Variants in NTRK1 observed in about 807,000 individuals in gnomAD.
The protein encoded by NTRK1 is high affinity nerve growth factor receptor.
In NTRK1, 62 loss-of-function variants were observed where a neutral mutation model predicts 86.8. The ratio of observed to expected loss-of-function variants is 0.71; its 90% CI spans 0.58 to 0.88. The LOEUF is 0.88. Ranked by LOEUF, NTRK1 falls within the 40% of genes least tolerant of loss-of-function variation. The probability of loss-of-function intolerance (pLI) is 0.00; values close to 1 mark genes in which losing one functional copy is unlikely to be tolerated. For missense variants in NTRK1, 967 were observed against 1,078.4 expected (o/e 0.90, Z 1.45); for synonymous variants, 469 against 456.6 (o/e 1.03, Z -0.35).
At chr1:156,829,916 G>T (rs1435657821) in intron 1 of NTRK1, among the ~76,000 whole-genome samples, 1 of 152,208 alleles carries the variant, frequency 6.6e-6, no homozygotes, top group East Asian at 1.9e-4. Flanking sequence ...GCCTCCCAAA[G>T]TGCTGGGATT....
chr1:156,858,667 A>G, upstream of NTRK1: 1 of 1,534,702 alleles, frequency 6.5e-7, no homozygotes, highest in Non-Finnish European at 9.0e-7. Flanking sequence ...CCTCCCGGTG[A>G]CTCTGGGGAG....
At chr1:156,866,875 A>G in intron 3 of NTRK1, 35 bp from the exon 4 acceptor site, 2 of 1,610,706 alleles carry the variant, frequency 1.2e-6, no homozygotes, top group Non-Finnish European at 1.7e-6. Context: ...CGGGTCACTC[A>G]AGGGGTCTGT....
At chr1:156,824,793 T>C (rs920276430) in intron 1 of NTRK1, among the ~76,000 whole-genome samples, 1 of 152,206 alleles carries the variant, frequency 6.6e-6, no homozygotes, top group African/African-American at 2.4e-5. Flanking sequence ...GACTCCATCC[T>C]TTATCCACCA....
intron 1 of NTRK1, among the ~76,000 whole-genome samples, chr1:156,829,612 G>A (rs890336078): frequency 2.0e-5 from 3 of 152,114 alleles, no homozygotes; most frequent in African/African-American, 7.2e-5. Flanking sequence ...GACTGCTCGC[G>A]CTCAAGTATC....
intron 2 of NTRK1, chr1:156,845,338 C>G (rs753424403): frequency 1.2e-6 from 2 of 1,608,054 alleles, no homozygotes; most frequent in Non-Finnish European, 1.7e-6. Flanking sequence ...CCCCCAAAGC[C>G]ACGCCCCTCA....
rs2102870134 is a variant in NTRK1, at chr1:156,854,116, C to T, written c.51-10238C>T. Reference sequence around the variant, plus strand: ...TGGGGAAGAGGTCGCGCAGGCTCTCCAGTCCGTAGACACGGAAGAGCAGCA... The same window carrying T: ...TGGGGAAGAGGTCGCGCAGGCTCTCTAGTCCGTAGACACGGAAGAGCAGCA... On this transcript the variant is annotated intron_variant, in intron 2 of 16. Coordinates refer to the NTRK1 transcript ENST00000392302. The surrounding 1 kb of genome is among the most constrained non-coding windows in gnomAD (Gnocchi z 4.2). The T allele has an allele frequency of 1.2e-6, 2 of 1,614,144 alleles. No homozygotes were observed. Among genetic ancestry groups the T allele is most frequent in the Non-Finnish European group, 1.7e-6 (2 of 1,180,048 alleles).
At chr1:156,843,725 A>G (rs1439804703) in intron 2 of NTRK1, among the ~76,000 whole-genome samples, 1 of 152,246 alleles carries the variant, frequency 6.6e-6, no homozygotes, top group Non-Finnish European at 1.5e-5. Flanking sequence ...GCTAGTCCCT[A>G]TAGCCAAGCT....
At chr1:156,840,821 CG>C in intron 1 of NTRK1, 1 of 1,389,398 alleles carries the variant, frequency 7.2e-7, no homozygotes, top group South Asian at 1.2e-5. Context: ...CCACAGAGGT[CG>C]GGTCCCTTCC....
Position 156,876,496 on chromosome 1 carries a change from G to A in NTRK1, c.1729G>A (p.Gly577Ser), listed in dbSNP as rs121964866. The change falls in exon 14 of 17, where the codon GGC becomes AGC. Residue 577 changes from glycine (G) to serine (S), a missense_variant. Gly to Ser is a moderately conservative substitution (Grantham distance 56). Coordinates refer to ENST00000524377, the MANE Select transcript of NTRK1 (RefSeq NM_002529.4). Reference protein sequence around the residue: ...LQHQHIVRFFGVCTEGRPLLM... With the variant: ...LQHQHIVRFFSVCTEGRPLLM... The stretch of plus-strand genomic sequence containing the variant: ...GCACCAGCACATCGTGCGCTTCTTC[G>A]GCGTCTGCACCGAGGGCCGCCCCCT... 5.6e-6 allele frequency: 9 copies of A among 1,613,622 alleles called. No individual in the cohort carries two copies. Among genetic ancestry groups the A allele is most frequent in the East Asian group, 4.5e-5 (2 of 44,890 alleles).
At chr1:156,842,938 T>C (rs1242773391) in intron 2 of NTRK1, 1 of 1,303,310 alleles carries the variant, frequency 7.7e-7, no homozygotes, top group East Asian at 2.3e-5. Flanking sequence ...TCTCTGACCC[T>C]TTCTTTCTTA....
In NTRK1 at chr1:156,879,133, C is replaced by T. The variant is rs1648094510; in HGVS notation, c.1817C>T (p.Pro606Leu). Residue 606 changes from proline (P) to leucine (L), a missense_variant, in exon 15 of 17, where the codon CCT becomes CTT. By Grantham distance (98) the Pro-to-Leu change is moderately conservative (BLOSUM62 -3). Around this residue, in one of 2 missense-constraint regions of NTRK1, gnomAD observed 637 missense variants for 776.5 expected, o/e 0.82. Transcript: ENST00000524377. Reference protein sequence around the residue: ...DLNRFLRSHGPDAKLLAGGED... With the variant: ...DLNRFLRSHGLDAKLLAGGED... ...TTTCTTGTTCACAGATCCCATGGAC[C>T]TGATGCCAAGCTGCTGGCTGGTGGG... 1 of 1,613,944 alleles carries T rather than the reference C, an allele frequency of 6.2e-7. No individual in the cohort carries two copies. Among genetic ancestry groups the T allele is most frequent in the Non-Finnish European group, 8.5e-7 (1 of 1,179,976 alleles).
intron 2 of NTRK1, chr1:156,853,971 G>A (rs529226785): frequency 1.4e-5 from 23 of 1,612,882 alleles, no homozygotes; most frequent in African/African-American, 5.3e-5. Context: ...TTCTCCACAC[G>A]CACAGCCCCA....
chr1:156,852,241 G>T, intron 2 of NTRK1: 3 of 1,519,524 alleles, frequency 2.0e-6, no homozygotes, highest in Non-Finnish European at 1.8e-6. Context: ...CTCAGTCCTG[G>T]CTGTCCTTCC....
At chr1:156,816,685 T>G (rs1259176331) in intron 1 of NTRK1, 1 of 1,601,534 alleles carries the variant, frequency 6.2e-7, no homozygotes, top group Non-Finnish European at 8.5e-7. Context: ...CTTGGGGACA[T>G]ATCTGGGCCA....
In NTRK1 at chr1:156,876,441, G is replaced by A. The variant is rs6334; in HGVS notation, c.1674G>A (p.Gln558=). 0.22 allele frequency: 353,449 copies of A among 1,613,668 alleles called. 39,747 individuals are homozygous for A. The highest frequency in any genetic ancestry group is 0.35 in the East Asian group (15,906 of 44,864). ...EASESARQDF[Q]REAELLTMLQ... ...CCGAGAGTGCTCGGCAGGACTTCCA[G>A]CGTGAGGCTGAGCTGCTCACCATGC... The change falls in exon 14 of 17, where the codon CAG becomes CAA. Residue 558 remains glutamine, a synonymous_variant. Transcript: ENST00000524377.
intron 1 of NTRK1, among the ~76,000 whole-genome samples, chr1:156,838,822 G>T (rs965238659): frequency 6.6e-6 from 1 of 152,188 alleles, no homozygotes; most frequent in East Asian, 1.9e-4. Context: ...CCAGACAATC[G>T]GCACTGTGAG....
chr1:156,880,810 G>A (rs1019893118), intron 16 of NTRK1, among the ~76,000 whole-genome samples: 1 of 152,206 alleles, frequency 6.6e-6, no homozygotes, highest in Non-Finnish European at 1.5e-5. Flanking sequence ...TAATAGGGAG[G>A]GGGGAAGAAG....
chr1:156,866,972 A>C lies in NTRK1; in HGVS notation c.422A>C (p.Gln141Pro), dbSNP rs1306924167. 1 of 1,614,120 alleles carries C rather than the reference A, an allele frequency of 6.2e-7. No homozygotes were observed. ...AAAACTGTGCAGGGCCTCTCCTTAC[A>C]GGAACTGTGAGTGGGGGCGCTTCCA... ...SWKTVQGLSL[Q>P]ELVLSGNPLH... The change falls in exon 4 of 17, where the codon CAG becomes CCG. Residue 141 changes from glutamine (Q) to proline (P), a missense_variant. Physicochemically the swap from Gln to Pro is moderately conservative, Grantham distance 76. Transcript: ENST00000524377.
chr1:156,831,204 A>G (rs1316110103), intron 1 of NTRK1, among the ~76,000 whole-genome samples: 3 of 152,260 alleles, frequency 2.0e-5, no homozygotes, highest in African/African-American at 7.2e-5. Flanking sequence ...ATGGGTGGAG[A>G]GAGTGTCCTG....
Sources: gnomAD v4.1 joint callset for allele counts (sites outside exome capture counted in the v4.1 genomes callset) on GRCh38, gnomAD v4.1.1 for gene constraint, gnomAD v4.1.1 regional missense constraint, Gnocchi (gnomAD v3.1) non-coding constraint, MANE v1.5 for transcripts, NCBI Gene and HGNC (gene_info 2026-07-23, HGNC 2026-07-21) for gene names.